Variants in LRP1B observed in about 807,000 individuals in gnomAD.
LRP1B encodes the protein LDL receptor related protein 1B.
A neutral mutation model predicts 556.6 loss-of-function variants in LRP1B; 217 were observed. The ratio of observed to expected loss-of-function variants is 0.39; its 90% CI spans 0.35 to 0.44. The LOEUF is 0.44. Among genes scored for constraint, LRP1B ranks in the 20% least tolerant of loss-of-function variants. LRP1B has a pLI of 1.00. For synonymous variants in LRP1B, 2,047 were observed against 1,865.8 expected (o/e 1.10, Z -2.50); for missense variants, 5,053 against 5,620.8 (o/e 0.90, Z 3.23).
chr2:141,093,243 G>A (rs907233187), intron 7 of LRP1B, among the ~76,000 whole-genome samples: 5 of 152,282 alleles, frequency 3.3e-5, no homozygotes, highest in African/African-American at 1.2e-4. Flanking sequence ...TGCACTCAAG[G>A]TAACAGGAAT....
intron 2 of LRP1B, among the ~76,000 whole-genome samples, chr2:141,579,336 T>C (rs1479422453): frequency 6.6e-6 from 1 of 152,148 alleles, no homozygotes; most frequent in Non-Finnish European, 1.5e-5. Flanking sequence ...AATGAAATCA[T>C]CAACTAAAGG....
At chr2:140,674,607 T>C (rs1685606165) in intron 41 of LRP1B, among the ~76,000 whole-genome samples, 1 of 152,204 alleles carries the variant, frequency 6.6e-6, no homozygotes, top group Non-Finnish European at 1.5e-5. Flanking sequence ...CTTTCCCAAC[T>C]GAAGCAATGT....
At chr2:141,779,485 T>A (rs1417828534) in intron 2 of LRP1B, among the ~76,000 whole-genome samples, 2 of 147,240 alleles carry the variant, frequency 1.4e-5, no homozygotes, top group African/African-American at 5.0e-5. Context: ...AGTGGAGCAA[T>A]CTCAGCTCAC....
intron 83 of LRP1B, among the ~76,000 whole-genome samples, chr2:140,306,618 T>C (rs1287093521): frequency 2.3e-5 from 3 of 132,154 alleles, no homozygotes; most frequent in Non-Finnish European, 5.4e-5. Flanking sequence ...CTGGATTCAT[T>C]GATTTTTTTT....
In LRP1B at chr2:141,062,252, G is replaced by A. The variant is rs753510633; in HGVS notation, c.1035C>T (p.Tyr345=). The stretch of plus-strand genomic sequence containing the variant: ...ATCTCTCCACTTTGGCGACATTCCC[G>A]TAGTCAGTAAAGAAAAGTTTTCTGT... ...PIAGKLFFTD[Y]GNVAKVERCD... is the part of the protein sequence containing the mutation. Residue 345 remains tyrosine, a synonymous_variant, in exon 8 of 91, where the codon TAC becomes TAT. Transcript: ENST00000389484. 4.8e-5 allele frequency: 78 copies of A among 1,608,308 alleles called. 1 individual carries two copies. Among genetic ancestry groups the A allele is most frequent in the East Asian group, 3.4e-4 (15 of 44,716 alleles).
intron 72 of LRP1B, among the ~76,000 whole-genome samples, chr2:140,362,949 T>C (rs1268393615): frequency 6.6e-6 from 1 of 151,686 alleles, no homozygotes; most frequent in Non-Finnish European, 1.5e-5. Flanking sequence ...GGTCTCTTGC[T>C]GAACAAATGT....
rs566309852 is a variant in LRP1B at position 141,577,977 on chromosome 2, G to A, written c.206-97444C>T. 4.6e-5 allele frequency among the ~76,000 whole-genome samples: 7 copies of A among 152,260 alleles called. No individual in the cohort carries two copies. In the South Asian group the frequency reaches 6.2e-4, roughly 14 times the overall value. ...GAATATTCCACAGAGCCCAGATATC[G>A]TAAATAAAGTGTCTGTCCAATTGTA... is the stretch of plus-strand genomic sequence containing the variant. On this transcript the variant is annotated intron_variant, in intron 2 of 90. Transcript: ENST00000389484.
chr2:140,702,858 A>G (rs558184714), intron 37 of LRP1B, among the ~76,000 whole-genome samples: 1 of 152,110 alleles, frequency 6.6e-6, no homozygotes, highest in East Asian at 1.9e-4. Flanking sequence ...CCTACTTTTC[A>G]TATCTCAACT....
intron 1 of LRP1B, among the ~76,000 whole-genome samples, chr2:142,109,112 T>A (rs10803489): frequency 0.67 from 101,744 of 152,054 alleles, 34,222 homozygotes; most frequent in East Asian, 0.71. Context: ...CTTGAAAATG[T>A]ATTTTTCAGA....
chr2:141,013,580 T>A lies in LRP1B; in HGVS notation c.2356A>T (p.Ile786Phe), dbSNP rs1323531171. 6.2e-7 allele frequency: 1 copy of A among 1,609,054 alleles called. No homozygotes were observed. Among genetic ancestry groups the A allele is most frequent in the Non-Finnish European group, 8.5e-7 (1 of 1,178,108 alleles). ...HERPPLFGLQ[I>F]YDPRKQQGDN... ...CCTTGTTGCTTTCGTGGATCATAAA[T>A]CTGAAGCCCAAATAGGGGTGGTCTT... is the stretch of plus-strand genomic sequence containing the variant. The change falls in exon 14 of 91, where the codon ATT (isoleucine) becomes TTT (phenylalanine). Residue 786 changes from isoleucine to phenylalanine, a missense_variant. Physicochemically the swap from Ile to Phe is conservative, Grantham distance 21. This residue lies in a region of LRP1B where 3,619 missense variants were observed against 3,931.9 expected (regional missense o/e 0.92). Coordinates refer to ENST00000389484, the MANE Select transcript of LRP1B (RefSeq NM_018557.3).
At chr2:140,280,271 TAAAA>T (rs1376065260) in intron 84 of LRP1B, among the ~76,000 whole-genome samples, 7 of 151,790 alleles carry the variant, frequency 4.6e-5, no homozygotes, top group Non-Finnish European at 1.0e-4. Flanking sequence ...TTAGTAGCAC[TAAAA>T]TAAAGTTGGA....
intron 35 of LRP1B, among the ~76,000 whole-genome samples, chr2:140,739,497 T>A (rs533417184): frequency 6.6e-6 from 1 of 152,286 alleles, no homozygotes; most frequent in East Asian, 1.9e-4. Flanking sequence ...AAAGGAGAGT[T>A]TCCATTTCAG....
intron 1 of LRP1B, among the ~76,000 whole-genome samples, chr2:142,116,389 A>C (rs1707278763): frequency 6.6e-6 from 1 of 151,996 alleles, no homozygotes; most frequent in Non-Finnish European, 1.5e-5. Context: ...ATTGTAGGAC[A>C]GTTACTAAAG....
intron 35 of LRP1B, among the ~76,000 whole-genome samples, chr2:140,765,053 T>G (rs1573685758): frequency 1.3e-5 from 2 of 152,078 alleles, no homozygotes; most frequent in African/African-American, 4.8e-5. Context: ...AGCCTCAAAC[T>G]CCTGGCCTCA....
intron 1 of LRP1B, among the ~76,000 whole-genome samples, chr2:141,899,763 A>G (rs1443277188): frequency 1.3e-5 from 2 of 152,138 alleles, no homozygotes; most frequent in Non-Finnish European, 2.9e-5. Context: ...TAAATGAAAA[A>G]TAATATCAAA....
At chr2:141,512,531 G>A (rs1439263458) in intron 2 of LRP1B, among the ~76,000 whole-genome samples, 3 of 152,138 alleles carry the variant, frequency 2.0e-5, no homozygotes, top group African/African-American at 2.4e-5. Context: ...GAATGGCAGA[G>A]CTCCCTCCAG....
intron 82 of LRP1B, among the ~76,000 whole-genome samples, chr2:140,315,791 G>A (rs973953991): frequency 2.0e-5 from 3 of 152,092 alleles, no homozygotes; most frequent in Admixed American, 6.6e-5. Context: ...TAGCCTATGC[G>A]TGTGTGAATA....
intron 3 of LRP1B, among the ~76,000 whole-genome samples, chr2:141,462,169 T>C (rs1340143869): frequency 1.3e-5 from 2 of 152,198 alleles, no homozygotes; most frequent in Non-Finnish European, 2.9e-5. Flanking sequence ...CATCCATATA[T>C]ATTTCATTTG....
At chr2:140,744,081 C>T (rs566119995) in intron 35 of LRP1B, among the ~76,000 whole-genome samples, 1 of 150,676 alleles carries the variant, frequency 6.6e-6, no homozygotes, top group East Asian at 2.0e-4. Flanking sequence ...GGTATAAACC[C>T]GCGGTTATAA....
Sources: gnomAD v4.1 joint callset for allele counts (sites outside exome capture counted in the v4.1 genomes callset) on GRCh38, gnomAD v4.1.1 for gene constraint, gnomAD v4.1.1 regional missense constraint, MANE v1.5 for transcripts, NCBI Gene and HGNC (gene_info 2026-07-23, HGNC 2026-07-21) for gene names.